The following CDH13 variants were observed in gnomAD, a reference collection of about 807,000 sequenced individuals.
CDH13 encodes cadherin 13, also known as cadherin-13.
Under a neutral mutation model 63.8 loss-of-function variants are expected in CDH13, and 24 were observed. The observed-to-expected ratio is 0.38, with a 90% CI of 0.27 to 0.53. CDH13 has a LOEUF of 0.53. CDH13 is among the 20% of genes least tolerant of loss of function. CDH13 has a pLI of 0.85. For synonymous variants in CDH13, 503 were observed against 355.3 expected, an observed-to-expected ratio of 1.42 and a Z score of -4.67; for missense variants, 1,049 against 903.1, an observed-to-expected ratio of 1.16 and a Z score of -2.07.
chr16:83,204,720 A>G (rs1286831829), intron 4 of CDH13, among the ~76,000 whole-genome samples: 4 of 152,206 alleles, frequency 2.6e-5, no homozygotes, highest in Non-Finnish European at 4.4e-5. Flanking sequence ...CCCAAATTTC[A>G]GTTGATCAAA....
intron 2 of CDH13, among the ~76,000 whole-genome samples, chr16:82,905,636 T>C (rs1055116015): frequency 4.6e-5 from 7 of 152,184 alleles, no homozygotes; most frequent in African/African-American, 1.7e-4. Flanking sequence ...AGTTTAAATT[T>C]TCTAGTAGGT....
chr16:82,864,768 C>T (rs1271405178), intron 2 of CDH13, among the ~76,000 whole-genome samples: 1 of 152,124 alleles, frequency 6.6e-6, no homozygotes, highest in African/African-American at 2.4e-5. Flanking sequence ...GAAAACTAAT[C>T]ACACATTCTC....
chr16:83,131,211 C>T (rs1263130071), intron 4 of CDH13, among the ~76,000 whole-genome samples: 1 of 132,842 alleles, frequency 7.5e-6, no homozygotes, highest in Admixed American at 8.8e-5. Context: ...CGCCCACAGA[C>T]ACACACAGGA....
At chr16:83,277,299 G>A (rs892420675) in intron 5 of CDH13, among the ~76,000 whole-genome samples, 2 of 152,158 alleles carry the variant, frequency 1.3e-5, no homozygotes, top group African/African-American at 4.8e-5. Flanking sequence ...GCTGAACAAA[G>A]CCTGTCTGAA....
At chr16:83,363,195 A>G (rs1567618186) in intron 6 of CDH13, among the ~76,000 whole-genome samples, 2 of 152,192 alleles carry the variant, frequency 1.3e-5, no homozygotes, top group African/African-American at 2.4e-5. Context: ...TAAACATCAC[A>G]GGTTGATTTT....
intron 4 of CDH13, among the ~76,000 whole-genome samples, chr16:83,157,263 C>T (rs1334208796): frequency 3.3e-5 from 5 of 149,776 alleles, no homozygotes; most frequent in African/African-American, 1.2e-4. Context: ...CTACAGGTAA[C>T]AGACCCTTGC....
At chr16:83,061,577 C>G (rs11150536) in intron 3 of CDH13, among the ~76,000 whole-genome samples, 44,422 of 152,074 alleles carry the variant, frequency 0.29, 6,568 homozygotes, top group Admixed American at 0.34. Context: ...TCCTGAATGA[C>G]CAGCAGCAGA....
At chr16:82,810,808 G>A (rs887043684) in intron 1 of CDH13, among the ~76,000 whole-genome samples, 1 of 152,038 alleles carries the variant, frequency 6.6e-6, no homozygotes, top group African/African-American at 2.4e-5. Context: ...GTAGGTGATG[G>A]GAAGGATTTT....
intron 4 of CDH13, among the ~76,000 whole-genome samples, chr16:83,184,691 G>A (rs8059244): frequency 0.47 from 71,702 of 151,986 alleles, 19,039 homozygotes; most frequent in African/African-American, 0.73. Flanking sequence ...GGAGGCAGAC[G>A]TTGCAGTGAG....
Position 82,835,939 on chromosome 16 carries a change from G to A in CDH13, c.46-22423G>A, listed in dbSNP as rs772615867. The stretch of plus-strand genomic sequence containing the variant: ...GAGAAAACAGCTCCAGGCTCTTGAG[G>A]CTCCTCAAGTAGCAAAGTCTCATCG... On this transcript the variant is annotated intron_variant, in intron 1 of 13. Transcript: ENST00000567109. Among the ~76,000 whole-genome samples, 46 of 152,126 alleles carry A rather than the reference G, an allele frequency of 3.0e-4. 1 individual carries two copies. The highest frequency in any genetic ancestry group is 5.2e-4 in the Admixed American group (8 of 15,270).
chr16:82,872,066 T>C (rs1029099420), intron 2 of CDH13, among the ~76,000 whole-genome samples: 18 of 152,150 alleles, frequency 1.2e-4, no homozygotes, highest in Admixed American at 8.5e-4. Context: ...AGGAAGGAAA[T>C]GATGCTGGGC....
At chr16:83,368,160 C>G (rs983800618) in intron 6 of CDH13, among the ~76,000 whole-genome samples, 1 of 152,144 alleles carries the variant, frequency 6.6e-6, no homozygotes, top group East Asian at 1.9e-4. Flanking sequence ...TTAACATAGA[C>G]ATTATTATGC....
intron 8 of CDH13, among the ~76,000 whole-genome samples, chr16:83,645,839 A>G (rs1035890156): frequency 6.6e-6 from 1 of 152,194 alleles, no homozygotes; most frequent in African/African-American, 2.4e-5. Context: ...TAGACAGTGG[A>G]AATACTAAAA....
At chr16:83,509,978 G>A (rs113444660) in intron 7 of CDH13, among the ~76,000 whole-genome samples, 20 of 152,204 alleles carry the variant, frequency 1.3e-4, no homozygotes, top group East Asian at 5.8e-4. Context: ...TGTAGCCAGC[G>A]TACCTCCTTG....
At chr16:82,744,531 T>A (rs549884983) in intron 1 of CDH13, among the ~76,000 whole-genome samples, 5 of 152,174 alleles carry the variant, frequency 3.3e-5, no homozygotes, top group African/African-American at 1.2e-4. Flanking sequence ...CAGGCATAAA[T>A]CTCTGGGCTG....
chr16:82,863,635 A>G (rs2040022369), intron 2 of CDH13, among the ~76,000 whole-genome samples: 1 of 152,146 alleles, frequency 6.6e-6, no homozygotes, highest in Non-Finnish European at 1.5e-5. Context: ...GTCACAAATA[A>G]ATGGAAGCTG....
At chr16:82,631,818 T>G (rs1050923003) in intron 1 of CDH13, among the ~76,000 whole-genome samples, 1 of 152,170 alleles carries the variant, frequency 6.6e-6, no homozygotes, top group Non-Finnish European at 1.5e-5. Context: ...TAACTTGAAG[T>G]GCTGACTGAG....
chr16:82,628,516 A>C (rs142497233), intron 1 of CDH13, among the ~76,000 whole-genome samples: 10 of 152,236 alleles, frequency 6.6e-5, no homozygotes, highest in African/African-American at 1.7e-4. Context: ...AAATGCAGTG[A>C]TGGGTGATAG....
At chr16:83,021,776 A>G (rs1915370643) in intron 2 of CDH13, among the ~76,000 whole-genome samples, 1 of 152,220 alleles carries the variant, frequency 6.6e-6, no homozygotes, top group Non-Finnish European at 1.5e-5. Context: ...AGTCATGGCT[A>G]GAATACTCCC....
Sources: allele counts gnomAD v4.1 joint callset (sites outside exome capture counted in the v4.1 genomes callset), GRCh38; gene constraint gnomAD v4.1.1; transcripts MANE v1.5; gene names NCBI Gene and HGNC (gene_info 2026-07-23, HGNC 2026-07-21).